DAB1: variants seen among roughly 807,000 people sequenced by gnomAD.
The protein encoded by DAB1 is disabled homolog 1.
In DAB1, 15 loss-of-function variants were observed where a neutral mutation model predicts 64.6. The observed-to-expected ratio is 0.23, with a 90% CI of 0.16 to 0.36. The LOEUF (loss-of-function observed/expected upper bound fraction) is 0.36. Ranked by LOEUF, DAB1 falls within the 10% of genes least tolerant of loss-of-function variation. DAB1 has a pLI of 1.00. For missense variants in DAB1, 596 were observed against 706.7 expected (o/e 0.84, Z 1.78); for synonymous variants, 235 against 251.9 (o/e 0.93, Z 0.64).
At chr1:58,126,573 A>G (rs1010026151) in intron 5 of DAB1, among the ~76,000 whole-genome samples, 2 of 151,352 alleles carry the variant, frequency 1.3e-5, no homozygotes, top group African/African-American at 4.9e-5. Context: ...GTCATCTAGC[A>G]TTAGGTATAT....
intron 7 of DAB1, among the ~76,000 whole-genome samples, chr1:57,562,749 T>C (rs182403329): frequency 6.6e-6 from 1 of 152,288 alleles, no homozygotes; most frequent in East Asian, 1.9e-4. Context: ...CTGGTGGTCT[T>C]AGTTCCAGAG....
chr1:57,244,034 T>C (rs566637842), intron 2 of DAB1, among the ~76,000 whole-genome samples: 6 of 152,026 alleles, frequency 3.9e-5, no homozygotes, highest in African/African-American at 1.4e-4. Context: ...ATCCAGAATG[T>C]TCCACTTGTT....
chr1:57,951,329 TATA>T (rs1645273760), intron 5 of DAB1, among the ~76,000 whole-genome samples: 2 of 135,866 alleles, frequency 1.5e-5, no homozygotes, highest in Admixed American at 7.9e-5. Flanking sequence ...TATATATATA[TATA>T]CTTCCCTGGA....
intron 4 of DAB1, among the ~76,000 whole-genome samples, chr1:58,277,094 C>T (rs989033554): frequency 3.0e-5 from 4 of 135,452 alleles, no homozygotes; most frequent in South Asian, 2.3e-4. Context: ...GGCTGGAGTG[C>T]AGTGGTATGA....
chr1:57,773,387 A>G (rs1447622740), intron 6 of DAB1, among the ~76,000 whole-genome samples: 2 of 151,788 alleles, frequency 1.3e-5, no homozygotes, highest in African/African-American at 2.4e-5. Flanking sequence ...ACACGTACAC[A>G]CAAACACTTT....
intron 1 of DAB1, among the ~76,000 whole-genome samples, chr1:57,358,603 C>A (rs1570362132): frequency 6.6e-6 from 1 of 151,874 alleles, no homozygotes; most frequent in East Asian, 1.9e-4. Context: ...TGGAAACATT[C>A]TTCACAGAAA....
At chr1:57,547,888 A>G (rs1387976669) in intron 7 of DAB1, among the ~76,000 whole-genome samples, 1 of 152,188 alleles carries the variant, frequency 6.6e-6, no homozygotes, top group Non-Finnish European at 1.5e-5. Flanking sequence ...TCCAAAATTG[A>G]AAGTTTATTC....
chr1:57,050,444 C>T (rs1649068645), intron 9 of DAB1, among the ~76,000 whole-genome samples: 1 of 152,232 alleles, frequency 6.6e-6, no homozygotes, highest in African/African-American at 2.4e-5. Flanking sequence ...TCATCTCCTG[C>T]TCCCATGGAG....
At chr1:58,417,482 A>G (rs77947224) in intron 3 of DAB1, among the ~76,000 whole-genome samples, 5,096 of 152,188 alleles carry the variant, frequency 0.033, 107 homozygotes, top group African/African-American at 0.063. Context: ...GAGTGGTTGG[A>G]GGATGGGAGG....
intron 4 of DAB1, among the ~76,000 whole-genome samples, chr1:58,223,846 C>T (rs554301808): frequency 2.0e-5 from 3 of 152,336 alleles, no homozygotes; most frequent in East Asian, 1.9e-4. Context: ...GCCAGAGCCA[C>T]GACCTACATC....
chr1:57,642,100 AT>A (rs886980805), intron 7 of DAB1, among the ~76,000 whole-genome samples: 58 of 150,664 alleles, frequency 3.8e-4, no homozygotes, highest in African/African-American at 1.0e-3. Flanking sequence ...GTGCTCAGTG[AT>A]TTTTTTTTTA....
intron 5 of DAB1, among the ~76,000 whole-genome samples, chr1:58,060,639 G>A (rs1027554097): frequency 3.9e-5 from 6 of 152,124 alleles, no homozygotes; most frequent in African/African-American, 1.4e-4. Flanking sequence ...GGTTTTCGGG[G>A]TCTCCTGCCC....
chr1:57,951,134 T>C (rs1458710940), intron 5 of DAB1, among the ~76,000 whole-genome samples: 2 of 151,814 alleles, frequency 1.3e-5, no homozygotes, highest in Non-Finnish European at 2.9e-5. Context: ...AAGTTTATTT[T>C]TATAGGCAGA....
At chr1:57,604,836 G>A (rs1389307621) in intron 7 of DAB1, among the ~76,000 whole-genome samples, 6 of 152,144 alleles carry the variant, frequency 3.9e-5, no homozygotes, top group Non-Finnish European at 8.8e-5. Context: ...CTTAGTGTTG[G>A]TGAGACCCAT....
chr1:58,187,569 T>TATG (rs1422091373), intron 4 of DAB1, among the ~76,000 whole-genome samples: 1 of 141,796 alleles, frequency 7.1e-6, no homozygotes, highest in African/African-American at 2.8e-5. Flanking sequence ...TTTTATATAT[T>TATG]ATTATTATTA....
chr1:57,684,623 T>C lies in DAB1; in HGVS notation n.552-34958A>G, dbSNP rs115478231. Among the ~76,000 whole-genome samples, 1,265 of 152,192 alleles carry C rather than the reference T, an allele frequency of 8.3e-3. 15 individuals carry two copies. The highest frequency in any genetic ancestry group is 0.029 in the African/African-American group (1,219 of 41,532). On this transcript the variant is annotated intron_variant and non_coding_transcript_variant, in intron 6 of 20. Transcript: ENST00000485760. ...CAAGAGCAAAAAGTCCTTAAGGTAG[T>C]GCTAAACAGAATCAAAAGAATGACA...
intron 4 of DAB1, among the ~76,000 whole-genome samples, chr1:58,297,407 T>C (rs1662019446): frequency 6.6e-6 from 1 of 152,170 alleles, no homozygotes; most frequent in Non-Finnish European, 1.5e-5. Flanking sequence ...CATGGTCTAG[T>C]GGACTGTTGC....
intron 6 of DAB1, among the ~76,000 whole-genome samples, chr1:57,818,260 A>C (rs767187244): frequency 6.6e-5 from 10 of 152,196 alleles, no homozygotes; most frequent in South Asian, 2.1e-4. Flanking sequence ...GCTGCCTTAA[A>C]ACACAAAGGA....
At chr1:58,366,290 A>C (rs567020922) in intron 3 of DAB1, among the ~76,000 whole-genome samples, 21 of 152,308 alleles carry the variant, frequency 1.4e-4, no homozygotes, top group African/African-American at 5.1e-4. Context: ...ATGGGATCCC[A>C]TCCATCATCA....
Sources: gnomAD v4.1 joint callset for allele counts (sites outside exome capture counted in the v4.1 genomes callset) on GRCh38, gnomAD v4.1.1 for gene constraint, MANE v1.5 for transcripts, NCBI Gene and HGNC (gene_info 2026-07-23, HGNC 2026-07-21) for gene names.